Variants in THSD7B observed in about 807,000 individuals in gnomAD.
The protein encoded by THSD7B is thrombospondin type 1 domain containing 7B, also known as thrombospondin type-1 domain-containing protein 7B.
THSD7B carries 138 observed loss-of-function variants against 213.6 expected under a neutral mutation model. That is an observed-to-expected ratio of 0.65 (90% CI 0.56 to 0.74). The LOEUF is 0.74. Among genes scored for constraint, THSD7B ranks in the 30% least tolerant of loss-of-function variants. The pLI, the probability that THSD7B is intolerant of heterozygous loss-of-function variation, is 0.00. For synonymous variants in THSD7B, 742 were observed against 687.0 expected, an observed-to-expected ratio of 1.08 and a Z score of -1.25; for missense variants, 1,931 against 1,991.5, an observed-to-expected ratio of 0.97 and a Z score of 0.58.
intron 2 of THSD7B, among the ~76,000 whole-genome samples, chr2:136,989,661 A>G (rs1260622492): frequency 1.3e-5 from 2 of 152,202 alleles, no homozygotes; most frequent in Admixed American, 1.3e-4. Flanking sequence ...AGACTAAAGC[A>G]CTGTTGGTGG....
intron 15 of THSD7B, among the ~76,000 whole-genome samples, chr2:137,559,730 A>T (rs1034717498): frequency 5.3e-5 from 8 of 152,234 alleles, no homozygotes; most frequent in African/African-American, 1.7e-4. Context: ...TAATTACACT[A>T]AAGAGCTTCT....
intron 2 of THSD7B, among the ~76,000 whole-genome samples, chr2:137,014,292 G>T (rs1681883297): frequency 6.6e-6 from 1 of 152,166 alleles, no homozygotes; most frequent in Non-Finnish European, 1.5e-5. Flanking sequence ...CTACTCACAT[G>T]GTTGTGGTTT....
In THSD7B at chr2:137,623,884, G is replaced by A. The variant is rs146736381; in HGVS notation, c.3799+3158G>A. 3.3e-5 allele frequency among the ~76,000 whole-genome samples: 5 copies of A among 152,108 alleles called. 1 individual carries two copies. The highest frequency in any genetic ancestry group is 4.4e-5 in the Non-Finnish European group (3 of 68,022). ...CTAATGTGTAGGAAGAATCAATATC[G>A]TGAAAATGGCCATACTGCCCAAGGT... On this transcript the variant is annotated intron_variant, in intron 20 of 27. Coordinates refer to ENST00000409968, the MANE Select transcript of THSD7B (RefSeq NM_001316349.2).
intron 7 of THSD7B, among the ~76,000 whole-genome samples, chr2:137,203,548 T>C (rs898081567): frequency 6.6e-6 from 1 of 152,080 alleles, no homozygotes; most frequent in Non-Finnish European, 1.5e-5. Flanking sequence ...TCCATATTTC[T>C]TTTTTAGTGA....
chr2:137,190,190 T>C lies in THSD7B; in HGVS notation c.1723+19252T>C, dbSNP rs1269455174. ...GCTGCTTATTGTCTCCTATTTCTCA[T>C]AGGCAATAGCATGGAGATGATTTTT... On this transcript the variant is annotated intron_variant, in intron 7 of 27. Transcript: ENST00000409968. Among the ~76,000 whole-genome samples the C allele has an allele frequency of 4.6e-5, 7 of 152,334 alleles. No homozygotes were observed. The East Asian group carries it at 1.2e-3, about 25-fold the overall frequency.
rs186783301 is a variant in THSD7B at position 137,657,309 on chromosome 2, G to A, written c.4375+149G>A. Reference sequence around the variant, plus strand: ...TATTACAAATTTTCATTAGACGTTTGCATCTTAGAAAGAAAGCAATTCAAT... The same window carrying A: ...TATTACAAATTTTCATTAGACGTTTACATCTTAGAAAGAAAGCAATTCAAT... On this transcript the variant is annotated intron_variant, in intron 24 of 27. Coordinates refer to ENST00000409968, the MANE Select transcript of THSD7B (RefSeq NM_001316349.2). 7 of 669,162 alleles carry A rather than the reference G, an allele frequency of 1.0e-5. No homozygotes were observed. In the African/African-American group the frequency reaches 1.1e-4, roughly 10 times the overall value. 41.5% of individuals were successfully genotyped at this position (669,162 alleles called of 1,614,324 possible). A position where few individuals can be genotyped will look rare whatever the true frequency, so the allele number is the denominator to read the frequency against.
chr2:137,602,991 C>A (rs933574229), intron 17 of THSD7B, among the ~76,000 whole-genome samples: 11 of 152,270 alleles, frequency 7.2e-5, no homozygotes, highest in African/African-American at 9.6e-5. Flanking sequence ...CTGTGCCTGA[C>A]CAATTTTTAT....
At chr2:137,668,192 C>A (rs1683488086) in intron 27 of THSD7B, among the ~76,000 whole-genome samples, 1 of 152,126 alleles carries the variant, frequency 6.6e-6, no homozygotes, top group South Asian at 2.1e-4. Context: ...CCCAGAGGTT[C>A]TGATTTAATT....
intron 13 of THSD7B, 70 bp from the exon 14 acceptor site, chr2:137,411,539 A>T: frequency 7.1e-7 from 1 of 1,399,348 alleles, no homozygotes; most frequent in Non-Finnish European, 9.8e-7. Flanking sequence ...TTACAAATAC[A>T]AAAGTGTGAG....
chr2:137,657,923 G>A lies in THSD7B; in HGVS notation c.4375+763G>A, dbSNP rs537235535. ...AGACAGGGTTTCACCATGTTGGCCA[G>A]GATGGTCTCGATCTCTTGACCTCAT... is the stretch of plus-strand genomic sequence containing the variant. On this transcript the variant is annotated intron_variant, in intron 24 of 27. Transcript: ENST00000409968. Among the ~76,000 whole-genome samples the A allele has an allele frequency of 1.4e-3, 214 of 152,292 alleles. 1 individual carries two copies. Among genetic ancestry groups the A allele is most frequent in the Non-Finnish European group, 2.4e-3 (165 of 68,028 alleles).
At chr2:137,158,760 G>A (rs1176317223) in intron 5 of THSD7B, among the ~76,000 whole-genome samples, 3 of 152,086 alleles carry the variant, frequency 2.0e-5, no homozygotes, top group Non-Finnish European at 4.4e-5. Flanking sequence ...ACTCTTACAC[G>A]TGTTAAGGGT....
chr2:137,162,677 T>G (rs757806538), intron 6 of THSD7B, among the ~76,000 whole-genome samples: 4 of 152,124 alleles, frequency 2.6e-5, no homozygotes, highest in African/African-American at 4.8e-5. Flanking sequence ...TTGCCTGCTT[T>G]CTTTCTTTTT....
chr2:137,223,279 C>T (rs1255291783), intron 7 of THSD7B, among the ~76,000 whole-genome samples: 3 of 152,226 alleles, frequency 2.0e-5, no homozygotes, highest in East Asian at 1.9e-4. Context: ...GCTGCAGGTG[C>T]GCTTTCAAGA....
At chr2:136,850,773 A>G (rs932984254) in intron 1 of THSD7B, among the ~76,000 whole-genome samples, 4 of 151,910 alleles carry the variant, frequency 2.6e-5, no homozygotes, top group Non-Finnish European at 4.4e-5. Flanking sequence ...ATGTAGTTTC[A>G]TGAATATTTT....
intron 12 of THSD7B, among the ~76,000 whole-genome samples, chr2:137,301,699 A>T (rs1573944604): frequency 1.3e-5 from 2 of 152,134 alleles, no homozygotes; most frequent in African/African-American, 4.8e-5. Context: ...GGAGCAAATG[A>T]TGCTTATGTC....
At chr2:137,569,793 AATT>A (rs10677104) in intron 16 of THSD7B, among the ~76,000 whole-genome samples, 35 of 150,074 alleles carry the variant, frequency 2.3e-4, no homozygotes, top group Non-Finnish European at 4.3e-4. Flanking sequence ...TTTCCCTCCC[AATT>A]ATTATTATTA....
intron 15 of THSD7B, among the ~76,000 whole-genome samples, chr2:137,456,734 A>T (rs919289367): frequency 2.0e-5 from 3 of 152,250 alleles, no homozygotes; most frequent in African/African-American, 7.2e-5. Flanking sequence ...CTTGTTTTAA[A>T]TGTGAAACAT....
chr2:137,602,520 C>T (rs1036461800), intron 17 of THSD7B, among the ~76,000 whole-genome samples: 2 of 151,966 alleles, frequency 1.3e-5, no homozygotes, highest in African/African-American at 2.4e-5. Context: ...CACCCACCTT[C>T]GCCTCCCAAA....
intron 1 of THSD7B, among the ~76,000 whole-genome samples, chr2:136,818,291 G>T (rs1376365816): frequency 6.0e-5 from 8 of 134,366 alleles, no homozygotes; most frequent in African/African-American, 2.0e-4. Context: ...GTAAACTATC[G>T]CAAGAACAAA....
Sources: allele counts gnomAD v4.1 joint callset (sites outside exome capture counted in the v4.1 genomes callset), GRCh38; gene constraint gnomAD v4.1.1; transcripts MANE v1.5; gene names NCBI Gene and HGNC (gene_info 2026-07-23, HGNC 2026-07-21).